NDC80: variants seen among roughly 807,000 people sequenced by gnomAD.
The protein encoded by NDC80 is kinetochore protein NDC80 homolog.
In NDC80, 69 loss-of-function variants were observed where a neutral mutation model predicts 89.3. The ratio of observed to expected loss-of-function variants is 0.77; its 90% CI spans 0.64 to 0.94. The LOEUF (loss-of-function observed/expected upper bound fraction) is 0.94. Among genes scored for constraint, NDC80 ranks in the 40% least tolerant of loss-of-function variants. NDC80 has a pLI of 0.00. For synonymous variants in NDC80, 243 were observed against 255.6 expected (o/e 0.95, Z 0.47); for missense variants, 593 against 739.6 (o/e 0.80, Z 2.30).
chr18:2,598,961 G>GA (rs957852933), intron 11 of NDC80, 58 bp from the exon 12 acceptor site: 2 of 1,421,452 alleles, frequency 1.4e-6, no homozygotes, highest in Admixed American at 2.7e-5. Context: ...AATGTCAATT[G>GA]AAAAAAACAT....
chr18:2,589,198 C>G lies in NDC80; in HGVS notation c.764-6C>G. ...GTCTTAAAAAGCTTTTGGATTTTGT[C>G]TCCAGAGGATTTATTTAATGTGGAT... On this transcript the variant is annotated splice_polypyrimidine_tract_variant and splice_region_variant and intron_variant, in intron 8 of 16. Transcript: ENST00000261597. 6.3e-7 allele frequency: 1 copy of G among 1,596,708 alleles called. No homozygotes were observed. The highest frequency in any genetic ancestry group is 1.1e-5 in the South Asian group (1 of 90,452).
intron 13 of NDC80, among the ~76,000 whole-genome samples, chr18:2,605,662 T>C (rs2072707698): frequency 6.6e-6 from 1 of 151,462 alleles, no homozygotes; most frequent in African/African-American, 2.4e-5. Context: ...TAATAATAGC[T>C]TCACTAAATT....
chr18:2,596,132 G>C (rs2072654659), intron 11 of NDC80, among the ~76,000 whole-genome samples: 1 of 152,174 alleles, frequency 6.6e-6, no homozygotes, highest in Non-Finnish European at 1.5e-5. Flanking sequence ...CCCAAATTTA[G>C]TGTACATGGT....
intron 10 of NDC80, among the ~76,000 whole-genome samples, chr18:2,591,518 T>A (rs572172651): frequency 6.6e-6 from 1 of 152,028 alleles, no homozygotes; most frequent in Admixed American, 6.6e-5. Context: ...GTCTATGGAG[T>A]ATTGATTGTC....
At chr18:2,592,193 T>C (rs1177467398) in intron 10 of NDC80, among the ~76,000 whole-genome samples, 1 of 152,252 alleles carries the variant, frequency 6.6e-6, no homozygotes, top group African/African-American at 2.4e-5. Context: ...AAATACTTAA[T>C]CATTTGCCAT....
At chr18:2,574,950 A>G (rs370497812) in intron 2 of NDC80, 39 bp from the exon 3 acceptor site, 21 of 1,337,290 alleles carry the variant, frequency 1.6e-5, no homozygotes, top group Non-Finnish European at 2.1e-5. Context: ...GCTAATTTTA[A>G]TTTTTATTTT....
At position 2,575,003 on chromosome 18, in the gene NDC80, C is replaced by T. The variant is rs2072539007; in HGVS notation, c.116C>T (p.Thr39Ile). Residue 39 changes from threonine (T) to isoleucine (I), a missense_variant, in exon 3 of 17, where the codon ACC becomes ATC. Coordinates refer to ENST00000261597, the MANE Select transcript of NDC80 (RefSeq NM_006101.3). ...LYTPQTKEKP[T>I]FGKLSINKPT... ...TTTTCTTAAAGCAAAGAGAAACCAA[C>T]CTTTGGAAAGTTGAGTATAAACAAA... 1.2e-6 allele frequency: 2 copies of T among 1,606,626 alleles called. No homozygotes were observed. Among genetic ancestry groups the T allele is most frequent in the Non-Finnish European group, 1.7e-6 (2 of 1,176,306 alleles).
intron 14 of NDC80, among the ~76,000 whole-genome samples, chr18:2,608,155 G>A (rs2072724901): frequency 6.7e-6 from 1 of 148,532 alleles, no homozygotes; most frequent in African/African-American, 2.5e-5. Context: ...ATATTTTAAA[G>A]CTTATATATA....
At chr18:2,575,229 G>C (rs1358753601) in intron 3 of NDC80, among the ~76,000 whole-genome samples, 163 bp downstream of exon 3, 4 of 152,182 alleles carry the variant, frequency 2.6e-5, no homozygotes, top group Non-Finnish European at 5.9e-5. Context: ...TACATCTGCT[G>C]TAGACAGTGT....
At chr18:2,602,556 T>G (rs553090438) in intron 13 of NDC80, among the ~76,000 whole-genome samples, 115 of 152,304 alleles carry the variant, frequency 7.6e-4, no homozygotes, top group African/African-American at 2.5e-3. Flanking sequence ...TTTTTTGCTG[T>G]AATGGGTACT....
intron 1 of NDC80, 63 bp from the exon 2 acceptor site, chr18:2,572,914 A>G (rs1000138505): frequency 4.3e-6 from 5 of 1,166,192 alleles, no homozygotes; most frequent in Non-Finnish European, 6.2e-6. Context: ...AAGGATAAAT[A>G]GTTGCTTAAT....
chr18:2,597,237 A>G (rs1267462503), intron 11 of NDC80, among the ~76,000 whole-genome samples: 2 of 152,108 alleles, frequency 1.3e-5, no homozygotes, highest in Non-Finnish European at 2.9e-5. Flanking sequence ...ACAGAGCAAG[A>G]GATGAGACTC....
At chr18:2,605,318 GTGTGTGTGTGTA>G (rs1326267930) in intron 13 of NDC80, among the ~76,000 whole-genome samples, 162 of 134,964 alleles carry the variant, frequency 1.2e-3, no homozygotes, top group African/African-American at 3.7e-3. Flanking sequence ...GTGTGTGTGT[GTGTGTGTGTGTA>G]TGTACACAAT....
chr18:2,605,270 ATGTATGTGTGTGTGTG>A (rs2072704572), intron 13 of NDC80, among the ~76,000 whole-genome samples: 40 of 98,064 alleles, frequency 4.1e-4, no homozygotes, highest in African/African-American at 1.5e-3. Context: ...GGCGGGCTAT[ATGTATGTGTGTGTGTG>A]TGTGTGTGTG....
intron 1 of NDC80, among the ~76,000 whole-genome samples, 178 bp downstream of exon 1, chr18:2,571,861 AT>A (rs1270974298): frequency 6.6e-6 from 1 of 152,112 alleles, no homozygotes; most frequent in African/African-American, 2.4e-5. Context: ...GATCTATTAA[AT>A]TTCTAGTGGC....
chr18:2,572,928 C>A, intron 1 of NDC80, 49 bp from the exon 2 acceptor site: 1 of 1,389,914 alleles, frequency 7.2e-7, no homozygotes, highest in Non-Finnish European at 1.0e-6. Context: ...GCTTAATGTA[C>A]CATCTCTGTC....
chr18:2,590,786 T>C (rs1236129740), intron 10 of NDC80, among the ~76,000 whole-genome samples: 1 of 152,242 alleles, frequency 6.6e-6, no homozygotes, highest in Non-Finnish European at 1.5e-5. Context: ...CATTTGGCTT[T>C]TTGAAGCCAA....
intron 11 of NDC80, among the ~76,000 whole-genome samples, chr18:2,596,801 A>G (rs2072658992): frequency 6.6e-6 from 1 of 151,604 alleles, no homozygotes; most frequent in African/African-American, 2.4e-5. Context: ...GATAGACTGG[A>G]TTAAGAAAAT....
chr18:2,580,228 A>AT (rs948572651), intron 6 of NDC80, among the ~76,000 whole-genome samples: 28 of 150,548 alleles, frequency 1.9e-4, no homozygotes, highest in African/African-American at 4.6e-4. Flanking sequence ...TACTCTTCTG[A>AT]TTTTTTTTTG....
Sources: gnomAD v4.1 joint callset for allele counts (sites outside exome capture counted in the v4.1 genomes callset) on GRCh38, gnomAD v4.1.1 for gene constraint, MANE v1.5 for transcripts, NCBI Gene and HGNC (gene_info 2026-07-23, HGNC 2026-07-21) for gene names.